Variants in OCA2 observed in about 807,000 individuals in gnomAD.
OCA2 encodes the protein P protein.
In OCA2, 77 loss-of-function variants were observed where a neutral mutation model predicts 100.2. That is an observed-to-expected ratio of 0.77 (90% CI 0.64 to 0.93). The LOEUF (loss-of-function observed/expected upper bound fraction) is 0.93. OCA2 is among the 40% of genes least tolerant of loss of function. The probability of loss-of-function intolerance (pLI) is 0.00; values close to 1 mark genes in which losing one functional copy is unlikely to be tolerated. For missense variants in OCA2, 1,062 were observed against 1,089.1 expected (o/e 0.98, Z 0.35); for synonymous variants, 432 against 439.2 (o/e 0.98, Z 0.21).
At chr15:27,920,303 C>T (rs1002793570) in intron 19 of OCA2, among the ~76,000 whole-genome samples, 2 of 151,660 alleles carry the variant, frequency 1.3e-5, no homozygotes, top group African/African-American at 4.8e-5. Context: ...ACAACAACAA[C>T]AAAAAAAGAG....
At chr15:27,852,385 T>C (rs1398914684) in intron 21 of OCA2, among the ~76,000 whole-genome samples, 1 of 152,204 alleles carries the variant, frequency 6.6e-6, no homozygotes, top group Non-Finnish European at 1.5e-5. Context: ...TGCAGCGTTA[T>C]TTCTGAGGGC....
chr15:27,731,498 A>G, the OCA2 span, among the ~76,000 whole-genome samples: 1 of 152,208 alleles, frequency 6.6e-6, no homozygotes, highest in Non-Finnish European at 1.5e-5. Context: ...CTGGATGTAA[A>G]AGGAGAAAAA....
Position 27,824,598 on chromosome 15 carries a change from C to A in OCA2, c.2432+20361G>T, listed in dbSNP as rs1356306790. Among the ~76,000 whole-genome samples the A allele has an allele frequency of 1.0e-4, 4 of 39,734 alleles. 1 individual carries two copies. Among genetic ancestry groups the A allele is most frequent in the Non-Finnish European group, 1.5e-4 (4 of 26,434 alleles). 26.1% of individuals were successfully genotyped at this position (39,734 alleles called of 152,430 possible). A position where few individuals can be genotyped will look rare whatever the true frequency, so the allele number is the denominator to read the frequency against. Reference sequence around the variant, plus strand: ...ACAATTTCTCTCTCTCTCTCTCTCTCTCTCTATATATATATATATATATAA... The same window carrying A: ...ACAATTTCTCTCTCTCTCTCTCTCTATCTCTATATATATATATATATATAA... On this transcript the variant is annotated intron_variant, in intron 23 of 23. Transcript: ENST00000354638.
At chr15:28,035,819 T>C (rs1252091103) in intron 2 of OCA2, among the ~76,000 whole-genome samples, 1 of 152,182 alleles carries the variant, frequency 6.6e-6, no homozygotes, top group African/African-American at 2.4e-5. Context: ...TAAATGCCTA[T>C]ACATTTATAC....
intron 21 of OCA2, among the ~76,000 whole-genome samples, chr15:27,864,785 C>T (rs1394495210): frequency 2.0e-5 from 3 of 152,004 alleles, no homozygotes; most frequent in Non-Finnish European, 2.9e-5. Context: ...TGTTCAAGCA[C>T]ATGAGGTTGA....
intron 2 of OCA2, among the ~76,000 whole-genome samples, chr15:28,080,902 A>T (rs1595924856): frequency 6.6e-6 from 1 of 152,316 alleles, no homozygotes; most frequent in Non-Finnish European, 1.5e-5. Context: ...ATATTTAAAG[A>T]TGTATCAAAT....
downstream of OCA2, among the ~76,000 whole-genome samples, chr15:27,751,407 T>A (rs151052157): frequency 7.4e-3 from 1,127 of 152,166 alleles, 15 homozygotes; most frequent in African/African-American, 0.025. Flanking sequence ...AAATACAACA[T>A]CCTGATGGTA....
intron 19 of OCA2, among the ~76,000 whole-genome samples, chr15:27,902,999 C>T (rs1215414709): frequency 6.6e-6 from 1 of 152,188 alleles, no homozygotes; most frequent in South Asian, 2.1e-4. Context: ...CCACAGGGCA[C>T]CCGGGTCAGG....
chr15:27,824,148 A>T (rs2034609959), intron 23 of OCA2, among the ~76,000 whole-genome samples: 1 of 152,196 alleles, frequency 6.6e-6, no homozygotes, highest in African/African-American at 2.4e-5. Context: ...CCAGTGGATC[A>T]CCTGAGGTCA....
chr15:27,824,620 A>ATG (rs2034644504), intron 23 of OCA2, among the ~76,000 whole-genome samples: 2 of 72,196 alleles, frequency 2.8e-5, no homozygotes, highest in Non-Finnish European at 5.1e-5. Context: ...ATATATATAT[A>ATG]TAATATAATA....
At chr15:27,819,716 A>ATGTG (rs35627155) in intron 23 of OCA2, among the ~76,000 whole-genome samples, 10 of 151,634 alleles carry the variant, frequency 6.6e-5, no homozygotes, top group South Asian at 4.2e-4. Flanking sequence ...ATGTATATAA[A>ATGTG]TGTGTGTGTG....
chr15:27,936,851 A>G (rs1023096085), intron 18 of OCA2, among the ~76,000 whole-genome samples: 1 of 152,222 alleles, frequency 6.6e-6, no homozygotes, highest in Non-Finnish European at 1.5e-5. Flanking sequence ...GTGGTTTCCA[A>G]TCTGGCTTAG....
At chr15:27,828,260 G>A (rs2034812417) in intron 23 of OCA2, among the ~76,000 whole-genome samples, 1 of 152,162 alleles carries the variant, frequency 6.6e-6, no homozygotes, top group Admixed American at 6.5e-5. Flanking sequence ...AGCTGTCCCT[G>A]TCGGGGACTT....
intron 14 of OCA2, among the ~76,000 whole-genome samples, chr15:27,967,225 G>T (rs1286451250): frequency 1.3e-5 from 2 of 152,202 alleles, no homozygotes; most frequent in Non-Finnish European, 2.9e-5. Flanking sequence ...GAGCCCAGGA[G>T]GGAAGGGGCT....
At chr15:28,082,336 GT>G (rs2044667469) in intron 1 of OCA2, among the ~76,000 whole-genome samples, 1 of 152,176 alleles carries the variant, frequency 6.6e-6, no homozygotes, top group African/African-American at 2.4e-5. Flanking sequence ...TACTTTCGAT[GT>G]TTTGGTTTTC....
At chr15:27,767,366 A>G (rs1250236313) in intron 23 of OCA2, among the ~76,000 whole-genome samples, 2 of 152,196 alleles carry the variant, frequency 1.3e-5, no homozygotes, top group African/African-American at 4.8e-5. Context: ...TCCTGTTTAG[A>G]GGGGTGATTG....
the OCA2 span, among the ~76,000 whole-genome samples, chr15:27,741,549 T>C: frequency 2.0e-5 from 3 of 152,142 alleles, no homozygotes; most frequent in South Asian, 6.2e-4. Flanking sequence ...CTGAGTACGG[T>C]TGGGCAAGTC....
At chr15:27,792,311 C>T (rs2033123110) in intron 23 of OCA2, among the ~76,000 whole-genome samples, 1 of 152,120 alleles carries the variant, frequency 6.6e-6, no homozygotes, top group Non-Finnish European at 1.5e-5. Context: ...TTTTTATGCA[C>T]ATGAATGAAC....
At chr15:28,070,555 C>G (rs1261051995) in intron 2 of OCA2, among the ~76,000 whole-genome samples, 1 of 146,758 alleles carries the variant, frequency 6.8e-6, no homozygotes, top group Admixed American at 6.7e-5. Context: ...GTCAGCCCTC[C>G]GCCCGGCCAG....
Sources: allele counts gnomAD v4.1 joint callset (sites outside exome capture counted in the v4.1 genomes callset), GRCh38; gene constraint gnomAD v4.1.1; transcripts MANE v1.5; gene names NCBI Gene and HGNC (gene_info 2026-07-23, HGNC 2026-07-21).